Variants in PPP2R3A observed in about 807,000 individuals in gnomAD.
The protein encoded by PPP2R3A is serine/threonine-protein phosphatase 2A regulatory subunit B'' subunit alpha.
Under a neutral mutation model 106.9 loss-of-function variants are expected in PPP2R3A, and 80 were observed. That is an observed-to-expected ratio of 0.75 (90% CI 0.62 to 0.90). The LOEUF (loss-of-function observed/expected upper bound fraction) is 0.90, where lower values mean the gene tolerates loss of function less well. Ranked by LOEUF, PPP2R3A falls within the 40% of genes least tolerant of loss-of-function variation. The pLI, the probability that PPP2R3A is intolerant of heterozygous loss-of-function variation, is 0.00. For missense variants in PPP2R3A, 1,386 were observed against 1,350.4 expected (o/e 1.03, Z -0.41); for synonymous variants, 483 against 468.3 (o/e 1.03, Z -0.41).
chr3:136,002,615 T>C lies in PPP2R3A; in HGVS notation c.1117T>C (p.Ser373Pro). 1 of 1,613,954 alleles carries C rather than the reference T, an allele frequency of 6.2e-7. No homozygotes were observed. Among genetic ancestry groups the C allele is most frequent in the Non-Finnish European group, 8.5e-7 (1 of 1,179,914 alleles). The change falls in exon 2 of 14, where the codon TCC (serine) becomes CCC (proline). Residue 373 changes from serine to proline, a missense_variant. Physicochemically the swap from Ser to Pro is moderately conservative, Grantham distance 74. Transcript: ENST00000264977. ...MDTVQSIPNN[S>P]TNSLYNLEVN... ...CACTGTACAATCCATTCCAAACAAC[T>C]CCACAAATTCCTTATATAACTTAGA...
chr3:135,986,685 A>T lies in PPP2R3A; in HGVS notation c.-440-14374A>T, dbSNP rs527636549. Among the ~76,000 whole-genome samples the T allele has an allele frequency of 5.3e-5, 8 of 152,152 alleles. No individual in the cohort carries two copies. The East Asian group carries it at 1.2e-3, about 22-fold the overall frequency. On this transcript the variant is annotated intron_variant, in intron 1 of 13. Coordinates refer to ENST00000264977, the MANE Select transcript of PPP2R3A (RefSeq NM_002718.5). The stretch of plus-strand genomic sequence containing the variant: ...AGCTTTATCACCACAGCTACCCACT[A>T]CCCGCAGTAGTATCCATATACTCTG...
At chr3:136,058,236 T>C (rs1395273620) in intron 5 of PPP2R3A, among the ~76,000 whole-genome samples, 2 of 152,144 alleles carry the variant, frequency 1.3e-5, no homozygotes, top group African/African-American at 2.4e-5. Context: ...ACTATCCCTG[T>C]TGGGAGACGA....
At chr3:135,971,818 A>G (rs117775096) in intron 1 of PPP2R3A, among the ~76,000 whole-genome samples, 1,653 of 152,272 alleles carry the variant, frequency 0.011, 25 homozygotes, top group African/African-American at 0.033. Context: ...GTTAGGTACT[A>G]TGCCTGGCTG....
rs1934681582 is a variant in PPP2R3A, at chr3:136,026,890, C to G, written c.2054C>G (p.Pro685Arg). 6.2e-7 allele frequency: 1 copy of G among 1,612,756 alleles called. No individual in the cohort carries two copies. The highest frequency in any genetic ancestry group is 1.3e-5 in the African/African-American group (1 of 74,936). The change falls in exon 3 of 14, where the codon CCA becomes CGA. Residue 685 changes from proline to arginine, a missense_variant. By Grantham distance (103) the Pro-to-Arg change is moderately radical. Coordinates refer to ENST00000264977, the MANE Select transcript of PPP2R3A (RefSeq NM_002718.5). Reference sequence around the variant, plus strand: ...CCACTCCCACCTCCAGCCACCTCTCCAAGTAGTCCCCGACCTCTCTCCCCG... The same window carrying G: ...CCACTCCCACCTCCAGCCACCTCTCGAAGTAGTCCCCGACCTCTCTCCCCG... ...GTPLPPPATS[P>R]SSPRPLSPVP...
chr3:136,087,749 T>G lies in PPP2R3A; in HGVS notation c.2789-134T>G. Reference sequence around the variant, plus strand: ...TATTAAAATTATGCGTAAATAAAAATGTACTCACATTCTCATCATGGACGA... The same window carrying G: ...TATTAAAATTATGCGTAAATAAAAAGGTACTCACATTCTCATCATGGACGA... On this transcript the variant is annotated intron_variant, in intron 8 of 13. Transcript: ENST00000264977. The G allele has an allele frequency of 5.5e-6, 3 of 541,006 alleles. No homozygotes were observed. In the South Asian group the frequency reaches 9.4e-5, roughly 17 times the overall value. 33.5% of individuals were successfully genotyped at this position (541,006 alleles called of 1,614,324 possible). A position where few individuals can be genotyped will look rare whatever the true frequency, so the allele number is the denominator to read the frequency against.
At chr3:135,990,747 C>G (rs185363780) in intron 1 of PPP2R3A, among the ~76,000 whole-genome samples, 1 of 152,096 alleles carries the variant, frequency 6.6e-6, no homozygotes, top group Non-Finnish European at 1.5e-5. Flanking sequence ...TATAGCCTCA[C>G]GGATTCTCTT....
At chr3:136,017,965 A>C (rs115697571) in intron 2 of PPP2R3A, among the ~76,000 whole-genome samples, 1,903 of 152,274 alleles carry the variant, frequency 0.012, 45 homozygotes, top group African/African-American at 0.043. Flanking sequence ...TTACATGTTT[A>C]TATATAAAAT....
chr3:136,021,852 A>G (rs977420308), intron 2 of PPP2R3A, among the ~76,000 whole-genome samples: 1 of 151,948 alleles, frequency 6.6e-6, no homozygotes, highest in Admixed American at 6.6e-5. Context: ...TATAACAGCT[A>G]TTTACATAAT....
intron 2 of PPP2R3A, among the ~76,000 whole-genome samples, chr3:136,024,375 TA>T (rs1161291306): frequency 6.6e-6 from 1 of 152,174 alleles, no homozygotes; most frequent in Non-Finnish European, 1.5e-5. Context: ...AAGCTCAAAA[TA>T]AATGCATTAT....
intron 13 of PPP2R3A, among the ~76,000 whole-genome samples, chr3:136,121,989 GCAAAAAAGGAAATCTTTTGCTTAAAAAAT>G: frequency 6.6e-6 from 1 of 151,858 alleles, no homozygotes; most frequent in East Asian, 1.9e-4. Flanking sequence ...TAACCTTTAA[GCAAAAAAGGAAATCTTTTGCTTAAAAAAT>G]CAAAAAAATA....
At chr3:136,033,472 TC>T (rs1934977229) in intron 3 of PPP2R3A, among the ~76,000 whole-genome samples, 6 of 152,322 alleles carry the variant, frequency 3.9e-5, no homozygotes, top group Non-Finnish European at 7.4e-5. Flanking sequence ...TACCAATTCT[TC>T]TTTGAATGTC....
At chr3:136,121,886 C>G (rs1407398052) in intron 13 of PPP2R3A, among the ~76,000 whole-genome samples, 2 of 152,076 alleles carry the variant, frequency 1.3e-5, no homozygotes, top group Non-Finnish European at 2.9e-5. Flanking sequence ...TAACAGAAGT[C>G]TAGCTGATTT....
chr3:136,037,308 G>A (rs1042514033), intron 3 of PPP2R3A, among the ~76,000 whole-genome samples: 4 of 152,178 alleles, frequency 2.6e-5, no homozygotes, highest in African/African-American at 4.8e-5. Context: ...TAGTTTGTAC[G>A]TTTTTCCACA....
chr3:136,035,466 A>G (rs1002820132), intron 3 of PPP2R3A, among the ~76,000 whole-genome samples: 1 of 152,168 alleles, frequency 6.6e-6, no homozygotes, highest in African/African-American at 2.4e-5. Flanking sequence ...GAAAAAGACT[A>G]TCTTTTCTTT....
At chr3:136,068,457 G>A (rs1936327550) in intron 5 of PPP2R3A, among the ~76,000 whole-genome samples, 1 of 152,174 alleles carries the variant, frequency 6.6e-6, no homozygotes. Context: ...GGTGGAGGTT[G>A]TAGTGAGCTG....
intron 7 of PPP2R3A, among the ~76,000 whole-genome samples, chr3:136,081,562 C>CT (rs1308652054): frequency 2.0e-5 from 3 of 151,968 alleles, no homozygotes; most frequent in African/African-American, 4.8e-5. Flanking sequence ...TTTTATATTT[C>CT]TTACATTCTT....
At chr3:136,034,042 T>A (rs1934999998) in intron 3 of PPP2R3A, among the ~76,000 whole-genome samples, 2 of 148,132 alleles carry the variant, frequency 1.4e-5, no homozygotes, top group South Asian at 4.2e-4. Context: ...TCTTTTTCTT[T>A]TTTTTTTTTT....
At chr3:136,099,441 CAGAG>C (rs1224238457) in intron 10 of PPP2R3A, among the ~76,000 whole-genome samples, 1 of 152,094 alleles carries the variant, frequency 6.6e-6, no homozygotes, top group Non-Finnish European at 1.5e-5. Context: ...TTAATATCCT[CAGAG>C]AGACTATGAG....
intron 9 of PPP2R3A, among the ~76,000 whole-genome samples, chr3:136,089,654 T>G (rs905776789): frequency 3.9e-5 from 6 of 152,000 alleles, no homozygotes; most frequent in African/African-American, 1.4e-4. Context: ...ACGACATTAG[T>G]TTAATAAGAA....
Sources: gnomAD v4.1 joint callset for allele counts (sites outside exome capture counted in the v4.1 genomes callset) on GRCh38, gnomAD v4.1.1 for gene constraint, MANE v1.5 for transcripts, NCBI Gene and HGNC (gene_info 2026-07-23, HGNC 2026-07-21) for gene names.